MYO16: variants seen among roughly 807,000 people sequenced by gnomAD.
MYO16 encodes unconventional myosin-XVI.
Under a neutral mutation model 205.3 loss-of-function variants are expected in MYO16, and 94 were observed. The observed-to-expected ratio is 0.46, with a 90% CI of 0.39 to 0.54. The LOEUF (loss-of-function observed/expected upper bound fraction) is 0.54. Among genes scored for constraint, MYO16 ranks in the 20% least tolerant of loss-of-function variants. The pLI, the probability that MYO16 is intolerant of heterozygous loss-of-function variation, is 0.00. For missense variants in MYO16, 2,315 were observed against 2,387.5 expected (o/e 0.97, Z 0.63); for synonymous variants, 988 against 954.0 (o/e 1.04, Z -0.66).
intron 16 of MYO16, among the ~76,000 whole-genome samples, chr13:108,917,322 G>A (rs1303759721): frequency 2.0e-5 from 3 of 152,172 alleles, no homozygotes; most frequent in Non-Finnish European, 2.9e-5. Flanking sequence ...AGGGATGGGA[G>A]CTATTTAACA....
At chr13:108,897,645 A>G (rs2139202665) in intron 14 of MYO16, among the ~76,000 whole-genome samples, 1 of 152,348 alleles carries the variant, frequency 6.6e-6, no homozygotes, top group African/African-American at 2.4e-5. Context: ...ATTAATTCAG[A>G]TGACTCCTTC....
chr13:108,858,400 C>G (rs1327611853), intron 11 of MYO16, among the ~76,000 whole-genome samples: 1 of 152,144 alleles, frequency 6.6e-6, no homozygotes, highest in Non-Finnish European at 1.5e-5. Flanking sequence ...CGAATTTGGT[C>G]ATTTGAGCTC....
intron 17 of MYO16, among the ~76,000 whole-genome samples, chr13:108,959,566 C>G (rs950046383): frequency 6.6e-6 from 1 of 152,146 alleles, no homozygotes. Flanking sequence ...CATCCTGACC[C>G]TGGGAGTGAC....
intron 1 of MYO16, among the ~76,000 whole-genome samples, chr13:108,641,555 G>A (rs1880503818): frequency 1.3e-5 from 2 of 152,130 alleles, no homozygotes; most frequent in South Asian, 4.1e-4. Context: ...CTATATTAAA[G>A]TCATTGCTGC....
chr13:109,184,579 A>G (rs1879596906), intron 34 of MYO16, among the ~76,000 whole-genome samples: 1 of 151,520 alleles, frequency 6.6e-6, no homozygotes, highest in South Asian at 2.1e-4. Flanking sequence ...ATAAGAAGTC[A>G]GAGTAGTGAC....
chr13:109,115,932 G>A (rs1049783988), intron 28 of MYO16, among the ~76,000 whole-genome samples: 1 of 150,132 alleles, frequency 6.7e-6, no homozygotes, highest in Non-Finnish European at 1.5e-5. Flanking sequence ...CTTTCAGAAA[G>A]ACCAAACATT....
chr13:108,598,068 C>G (rs1594133541), intron 1 of MYO16, among the ~76,000 whole-genome samples: 1 of 152,318 alleles, frequency 6.6e-6, no homozygotes, highest in Middle Eastern at 3.4e-3. Flanking sequence ...AGGTGAATCA[C>G]CAGCACCTTG....
the MYO16 span, among the ~76,000 whole-genome samples, chr13:108,568,115 T>C: frequency 1.5e-3 from 230 of 152,328 alleles, no homozygotes; most frequent in African/African-American, 5.4e-3. Flanking sequence ...TATCAGTTGA[T>C]GGACATTTGT....
intron 1 of MYO16, among the ~76,000 whole-genome samples, chr13:108,662,511 T>A (rs1881548157): frequency 6.6e-6 from 1 of 152,160 alleles, no homozygotes; most frequent in Non-Finnish European, 1.5e-5. Context: ...GTTGTGTACC[T>A]AGGAGGATTA....
intron 14 of MYO16, among the ~76,000 whole-genome samples, chr13:108,890,125 T>TG (rs1880097582): frequency 6.8e-6 from 1 of 147,854 alleles, no homozygotes; most frequent in African/African-American, 2.5e-5. Flanking sequence ...TTTTTTTTTT[T>TG]GTGGAGACTG....
At chr13:108,522,681 G>A in the MYO16 span, among the ~76,000 whole-genome samples, 2 of 152,104 alleles carry the variant, frequency 1.3e-5, no homozygotes, top group Non-Finnish European at 2.9e-5. Flanking sequence ...ACCTTCTGGT[G>A]ACTGCCTGGC....
chr13:108,583,822 C>A, the MYO16 span, among the ~76,000 whole-genome samples: 1 of 152,158 alleles, frequency 6.6e-6, no homozygotes, highest in Non-Finnish European at 1.5e-5. Flanking sequence ...GGGAAGAAAA[C>A]AGTAACTCCT....
intron 9 of MYO16, among the ~76,000 whole-genome samples, chr13:108,839,726 A>T (rs919991514): frequency 1.7e-4 from 26 of 152,232 alleles, no homozygotes; most frequent in Admixed American, 8.5e-4. Context: ...TGTTCTTCCT[A>T]CTTCCTCCTC....
At chr13:109,043,447 A>C (rs1404025676) in intron 23 of MYO16, among the ~76,000 whole-genome samples, 1 of 152,178 alleles carries the variant, frequency 6.6e-6, no homozygotes, top group Non-Finnish European at 1.5e-5. Flanking sequence ...TCGGATTTCC[A>C]TGCAGAGACT....
intron 3 of MYO16, among the ~76,000 whole-genome samples, chr13:108,717,696 T>A (rs1357581096): frequency 1.3e-5 from 2 of 150,466 alleles, no homozygotes; most frequent in Non-Finnish European, 2.9e-5. Flanking sequence ...ATATTATACA[T>A]GCCCAAAGCG....
At chr13:109,095,947 C>G (rs921201173) in intron 27 of MYO16, among the ~76,000 whole-genome samples, 1 of 152,142 alleles carries the variant, frequency 6.6e-6, no homozygotes, top group East Asian at 1.9e-4. Flanking sequence ...TATCCTTTTC[C>G]ACTCTAGAAC....
intron 25 of MYO16, among the ~76,000 whole-genome samples, chr13:109,053,323 G>T (rs957615110): frequency 4.7e-5 from 7 of 149,520 alleles, no homozygotes; most frequent in Non-Finnish European, 7.5e-5. Flanking sequence ...GTGTGAGTGA[G>T]TGTGAGTGTG....
chr13:108,580,383 A>G, the MYO16 span, among the ~76,000 whole-genome samples: 1 of 152,216 alleles, frequency 6.6e-6, no homozygotes, highest in Non-Finnish European at 1.5e-5. Context: ...CGATTTACCA[A>G]CCTCAAACAT....
At chr13:109,058,252 G>A (rs277836) in intron 27 of MYO16, among the ~76,000 whole-genome samples, 94,031 of 151,852 alleles carry the variant, frequency 0.62, 29,316 homozygotes, top group East Asian at 0.82. Flanking sequence ...AAAGGGTGCC[G>A]GTGCCTTGGT....
Sources: gnomAD v4.1 joint callset for allele counts (sites outside exome capture counted in the v4.1 genomes callset) on GRCh38, gnomAD v4.1.1 for gene constraint, MANE v1.5 for transcripts, NCBI Gene and HGNC (gene_info 2026-07-23, HGNC 2026-07-21) for gene names.